GRM4: variants seen among roughly 807,000 people sequenced by gnomAD.
GRM4 encodes the protein metabotropic glutamate receptor 4.
GRM4 carries 28 observed loss-of-function variants against 81.7 expected under a neutral mutation model. That is an observed-to-expected ratio of 0.34 (90% CI 0.25 to 0.47). GRM4 has a LOEUF of 0.47. GRM4 is among the 20% of genes least tolerant of loss of function. The pLI is 1.00. For missense variants in GRM4, 948 were observed against 1,290.0 expected (o/e 0.73, Z 4.06); for synonymous variants, 488 against 528.8 (o/e 0.92, Z 1.06).
chr6:34,036,577 G>T lies in GRM4; in HGVS notation c.1533C>A (p.Ser511Arg). 7 of 1,586,092 alleles carry T rather than the reference G, an allele frequency of 4.4e-6. No individual in the cohort carries two copies. The highest frequency in any genetic ancestry group is 1.8e-4 in the Middle Eastern group (1 of 5,556). ...AGATGGAGCGGGGCAGCTGCTGCCC[G>T]CTCCCCGGCCAGTGCATCCGCTCTA... ...LRIERMHWPG[S>R]GQQLPRSICS... Residue 511 changes from serine (S) to arginine (R), a missense_variant, in exon 9 of 11, where the codon AGC (serine) becomes AGA (arginine). Coordinates refer to ENST00000538487, the MANE Select transcript of GRM4 (RefSeq NM_000841.4). This position sits in a 1 kb window ranked among gnomAD's most constrained non-coding sequence, Gnocchi z 9.0.
intron 5 of GRM4, among the ~76,000 whole-genome samples, chr6:34,058,664 G>T (rs1429131958): frequency 6.6e-6 from 1 of 152,162 alleles, no homozygotes; most frequent in Non-Finnish European, 1.5e-5. Flanking sequence ...TTCAGGAAAG[G>T]CCTGTCCTGT....
chr6:34,122,452 A>C (rs558067854), intron 2 of GRM4, among the ~76,000 whole-genome samples: 1 of 152,102 alleles, frequency 6.6e-6, no homozygotes, highest in South Asian at 2.1e-4. Context: ...GCCTCTCCTC[A>C]CTGCCCCCAG....
intron 2 of GRM4, among the ~76,000 whole-genome samples, chr6:34,126,913 C>T (rs1312546348): frequency 1.3e-5 from 2 of 152,250 alleles, no homozygotes; most frequent in African/African-American, 4.8e-5. Context: ...TGTAGCTTGA[C>T]AGCAGCCCTA....
At chr6:34,043,151 C>G (rs1452761500) in intron 6 of GRM4, among the ~76,000 whole-genome samples, 2 of 152,192 alleles carry the variant, frequency 1.3e-5, no homozygotes, top group African/African-American at 2.4e-5. Flanking sequence ...GCTTCTAGAC[C>G]CCACCCCTGC....
At chr6:34,037,186 A>G (rs1764757716) in intron 8 of GRM4, among the ~76,000 whole-genome samples, 1 of 152,240 alleles carries the variant, frequency 6.6e-6, no homozygotes, top group African/African-American at 2.4e-5. Flanking sequence ...GAGCTGAACA[A>G]AGGTTTAATC....
intron 2 of GRM4, chr6:34,110,675 T>C: frequency 2.7e-6 from 4 of 1,490,640 alleles, no homozygotes; most frequent in Non-Finnish European, 3.6e-6. Context: ...ATGACATGTC[T>C]CTCCAGGAGC....
intron 3 of GRM4, among the ~76,000 whole-genome samples, chr6:34,083,032 G>A (rs1767685475): frequency 6.6e-6 from 1 of 152,218 alleles, no homozygotes; most frequent in South Asian, 2.1e-4. Flanking sequence ...ATTCCACAAA[G>A]GAGGCTGTGA....
intron 1 of GRM4, among the ~76,000 whole-genome samples, chr6:34,137,409 T>C (rs956429141): frequency 2.0e-5 from 3 of 152,210 alleles, no homozygotes; most frequent in Non-Finnish European, 4.4e-5. Context: ...TTCCAGTGAA[T>C]GGGGATGTAA....
intron 2 of GRM4, among the ~76,000 whole-genome samples, chr6:34,123,579 C>T (rs887322494): frequency 6.6e-6 from 1 of 152,212 alleles, no homozygotes; most frequent in African/African-American, 2.4e-5. Context: ...TCTGCACCAA[C>T]TGCCACATGC....
At chr6:34,107,263 T>C (rs954429978) in intron 2 of GRM4, among the ~76,000 whole-genome samples, 13 of 152,210 alleles carry the variant, frequency 8.5e-5, no homozygotes, top group African/African-American at 3.1e-4. Flanking sequence ...CAGGTACTCA[T>C]GGTAAGCTTC....
chr6:34,090,395 G>A lies in GRM4; in HGVS notation c.736+1488C>T, dbSNP rs905605179. ...AGCAGAGTGGGAGGTGCTGTCCAGA[G>A]GTAGGTGCCCAGGTCTTGGGTCTGA... On this transcript the variant is annotated intron_variant, in intron 3 of 10. Transcript: ENST00000538487. The surrounding 1 kb of genome is among the most constrained non-coding windows in gnomAD (Gnocchi z 5.2). 2.0e-5 allele frequency among the ~76,000 whole-genome samples: 3 copies of A among 152,190 alleles called. No homozygotes were observed. The highest frequency in any genetic ancestry group is 6.5e-5 in the Admixed American group (1 of 15,284).
rs1236758192 is a variant in GRM4 at position 34,111,421 on chromosome 6, CACAT to C, written c.520-19326_520-19323del. On this transcript the variant is annotated intron_variant, in intron 2 of 10. Transcript: ENST00000538487. This position sits in a 1 kb window ranked among gnomAD's most constrained non-coding sequence, Gnocchi z 5.1. The stretch of plus-strand genomic sequence containing the variant: ...ACACACACACACACACAAACACACA[CACAT>C]AGAGTCAGCACTGGTGGAGGCAGCA... 6.6e-6 allele frequency among the ~76,000 whole-genome samples: 1 copy of C among 152,218 alleles called. No homozygotes were observed. The highest frequency in any genetic ancestry group is 1.5e-5 in the Non-Finnish European group (1 of 68,038).
chr6:34,065,876 C>T (rs921599950), intron 3 of GRM4, among the ~76,000 whole-genome samples: 7 of 152,196 alleles, frequency 4.6e-5, no homozygotes, highest in South Asian at 2.1e-4. Context: ...CACCTTCAGA[C>T]GAGGCTCTCA....
At chr6:34,150,351 C>CT (rs1170583825), upstream of GRM4, among the ~76,000 whole-genome samples, 6 of 152,306 alleles carry the variant, frequency 3.9e-5, no homozygotes, top group South Asian at 1.0e-3. Flanking sequence ...CTAGAGAGGC[C>CT]TTCACACATG....
chr6:34,063,030 C>G (rs1036126083), intron 3 of GRM4: 6 of 152,400 alleles, frequency 3.9e-5, no homozygotes, highest in Non-Finnish European at 5.9e-5. Context: ...ACCCCAGAAG[C>G]CCCTGGTGGC....
chr6:34,094,727 C>A (rs1768417366), intron 2 of GRM4, among the ~76,000 whole-genome samples: 1 of 152,200 alleles, frequency 6.6e-6, no homozygotes. Flanking sequence ...CCTGCCTCCA[C>A]GCCCCTCCTG....
Position 34,074,122 on chromosome 6 carries a change from G to A in GRM4, c.737-12094C>T, listed in dbSNP as rs536831003. On this transcript the variant is annotated intron_variant, in intron 3 of 10. Coordinates refer to ENST00000538487, the MANE Select transcript of GRM4 (RefSeq NM_000841.4). The surrounding 1 kb of genome is among the most constrained non-coding windows in gnomAD (Gnocchi z 4.9). ...GGGCTGGATCTCGAGGTGCAGGGGC[G>A]CCGATGGGGAAGAAGAGGGGGACAC... Among the ~76,000 whole-genome samples, 42 of 152,216 alleles carry A rather than the reference G, an allele frequency of 2.8e-4. No homozygotes were observed. Among genetic ancestry groups the A allele is most frequent in the East Asian group, 1.7e-3 (9 of 5,158 alleles).
intron 10 of GRM4, among the ~76,000 whole-genome samples, chr6:34,023,631 GC>G (rs1040774301): frequency 2.6e-5 from 4 of 152,028 alleles, no homozygotes; most frequent in African/African-American, 9.7e-5. Context: ...TGTCCCTCTG[GC>G]CCTTACTCCA....
In GRM4 at chr6:34,136,468, C is replaced by T. The variant is rs1770457179; in HGVS notation, c.-363-2609G>A. Among the ~76,000 whole-genome samples the T allele has an allele frequency of 6.6e-6, 1 of 152,082 alleles. No homozygotes were observed. On this transcript the variant is annotated intron_variant, in intron 1 of 10. Transcript: ENST00000538487. This position sits in a 1 kb window ranked among gnomAD's most constrained non-coding sequence, Gnocchi z 4.1. ...ATGCACAGCAGCTTTTGAAGTCAGG[C>T]CCTGCTTAGGCTTCCAGATCCTTCG...
Sources: allele counts gnomAD v4.1 joint callset (sites outside exome capture counted in the v4.1 genomes callset), GRCh38; gene constraint gnomAD v4.1.1; non-coding constraint Gnocchi (gnomAD v3.1); transcripts MANE v1.5; gene names NCBI Gene and HGNC (gene_info 2026-07-23, HGNC 2026-07-21).